The following ANKRD30BL variants were observed in gnomAD, a reference collection of about 807,000 sequenced individuals.
ANKRD30BL encodes the protein putative ankyrin repeat domain-containing protein 30B-like.
In ANKRD30BL, 20 loss-of-function variants were observed where a neutral mutation model predicts 18.4. That is an observed-to-expected ratio of 1.09 (90% CI 0.77 to 1.58). The LOEUF is 1.58. ANKRD30BL is among the 40% of genes most tolerant of loss of function. ANKRD30BL has a pLI of 0.00. For synonymous variants in ANKRD30BL, 72 were observed against 100.9 expected, an observed-to-expected ratio of 0.71 and a Z score of 1.72; for missense variants, 224 against 268.6, an observed-to-expected ratio of 0.83 and a Z score of 1.16.
intron 1 of ANKRD30BL, among the ~76,000 whole-genome samples, chr2:132,178,637 T>C (rs986134215): frequency 4.6e-5 from 7 of 152,060 alleles, no homozygotes; most frequent in Admixed American, 2.0e-4. Context: ...TGTTTTTTTT[T>C]TGAGCAGACA....
chr2:132,244,112 T>G (rs149994805), intron 1 of ANKRD30BL, among the ~76,000 whole-genome samples: 1 of 152,264 alleles, frequency 6.6e-6, no homozygotes, highest in Non-Finnish European at 1.5e-5. Context: ...TCTCAGAAAC[T>G]AATTTGTGAT....
At chr2:132,239,406 T>A (rs1573879167) in intron 1 of ANKRD30BL, among the ~76,000 whole-genome samples, 1 of 152,000 alleles carries the variant, frequency 6.6e-6, no homozygotes. Flanking sequence ...AACACTCTTT[T>A]TGTAGGATCT....
chr2:132,185,368 C>T (rs1387919178), intron 1 of ANKRD30BL, among the ~76,000 whole-genome samples: 1 of 152,172 alleles, frequency 6.6e-6, no homozygotes, highest in African/African-American at 2.4e-5. Context: ...CCTTATCTGT[C>T]TAAACAGTGC....
intron 1 of ANKRD30BL, among the ~76,000 whole-genome samples, chr2:132,244,530 A>T (rs955973281): frequency 2.0e-5 from 3 of 152,298 alleles, no homozygotes; most frequent in African/African-American, 7.2e-5. Context: ...CAGTTTTTGT[A>T]GAATCTGTAA....
chr2:132,148,215 T>A lies in ANKRD30BL; in HGVS notation c.693A>T (p.Glu231Asp). Residue 231 changes from glutamate (E) to aspartate (D), a missense_variant, in exon 6 of 6, where the codon GAA (glutamate) becomes GAT (aspartate). By Grantham distance (45) the Glu-to-Asp change is conservative. This residue lies in a region of ANKRD30BL where 63 missense variants were observed against 62.3 expected (regional missense o/e 1.01). Transcript: ENST00000409867. ...SQNSNPEGTS[E>D]GTPDEAAPLA... Reference sequence around the variant, plus strand: ...AGGGTGCAGCCTCATCAGGTGTTCCTTCAGATGTTCCTTCTGCCAAACACA... The same window carrying A: ...AGGGTGCAGCCTCATCAGGTGTTCCATCAGATGTTCCTTCTGCCAAACACA... The A allele has an allele frequency of 6.2e-7, 1 of 1,605,044 alleles. No homozygotes were observed. Among genetic ancestry groups the A allele is most frequent in the Non-Finnish European group, 8.5e-7 (1 of 1,176,444 alleles).
upstream of ANKRD30BL, among the ~76,000 whole-genome samples, chr2:132,165,819 A>G (rs1012114235): frequency 1.3e-5 from 2 of 150,000 alleles, no homozygotes; most frequent in Non-Finnish European, 3.0e-5. Context: ...GAAATTGCCC[A>G]TCTGTCTTCC....
intron 1 of ANKRD30BL, chr2:132,257,096 A>G (rs749033491): frequency 1.0e-4 from 51 of 487,388 alleles, no homozygotes; most frequent in African/African-American, 9.0e-4. Flanking sequence ...GACCCGCCTC[A>G]TGAGCCCCAG....
chr2:132,166,752 GCTTT>G, upstream of ANKRD30BL, among the ~76,000 whole-genome samples: 1 of 151,964 alleles, frequency 6.6e-6, no homozygotes, highest in African/African-American at 2.4e-5. Context: ...CAAAGAAACA[GCTTT>G]CTGTTTCATT....
rs1230449143 is a variant in ANKRD30BL at position 132,161,648 on chromosome 2, G to C, written c.58C>G (p.Pro20Ala). 1.4e-6 allele frequency: 2 copies of C among 1,453,046 alleles called. No homozygotes were observed. Among genetic ancestry groups the C allele is most frequent in the African/African-American group, 1.4e-5 (1 of 70,838 alleles). 90.0% of individuals were successfully genotyped at this position (1,453,046 alleles called of 1,614,324 possible). Residue 20 changes from proline to alanine, a missense_variant, in exon 1 of 6, where the codon CCC becomes GCC. Around this residue, in one of 3 missense-constraint regions of ANKRD30BL, gnomAD observed 131 missense variants for 128.8 expected, o/e 1.02. Coordinates refer to ENST00000409867, the MANE Select transcript of ANKRD30BL (RefSeq NM_001358416.1). ...TTGGTGTAGACCAGCTGACTGAAGG[G>C]GCTCGGGCGCTCTGGGCCCGTCTGG... ...KGQTGPERPS[P>A]FSQLVYTNND...
intron 1 of ANKRD30BL, among the ~76,000 whole-genome samples, chr2:132,175,209 T>G (rs1688341658): frequency 6.6e-6 from 1 of 150,400 alleles, no homozygotes; most frequent in Non-Finnish European, 1.5e-5. Context: ...TATTATTATT[T>G]TCATTATCTC....
intron 1 of ANKRD30BL, chr2:132,257,105 A>G (rs72869462): frequency 1.2e-5 from 6 of 480,560 alleles, no homozygotes; most frequent in South Asian, 8.9e-5. Context: ...CATGAGCCCC[A>G]GGTCCCGCCA....
At chr2:132,191,645 T>G (rs1678851898) in intron 1 of ANKRD30BL, among the ~76,000 whole-genome samples, 1 of 152,142 alleles carries the variant, frequency 6.6e-6, no homozygotes, top group African/African-American at 2.4e-5. Flanking sequence ...TCAGTGTTTA[T>G]CCATCATTCA....
intron 1 of ANKRD30BL, among the ~76,000 whole-genome samples, chr2:132,171,624 A>G (rs1688282355): frequency 6.6e-6 from 1 of 152,234 alleles, no homozygotes; most frequent in Admixed American, 6.5e-5. Flanking sequence ...TTTTTCTAAT[A>G]AGTTTAATAA....
intron 5 of ANKRD30BL, among the ~76,000 whole-genome samples, chr2:132,150,711 T>C (rs2104915912): frequency 6.6e-6 from 1 of 152,092 alleles, no homozygotes; most frequent in South Asian, 2.1e-4. Context: ...GATTATAAAC[T>C]ACCTACAACT....
intron 5 of ANKRD30BL, among the ~76,000 whole-genome samples, chr2:132,150,322 GTTTA>G (rs904861141): frequency 1.2e-4 from 17 of 140,106 alleles, no homozygotes; most frequent in African/African-American, 3.1e-4. Flanking sequence ...TTATTTAACA[GTTTA>G]TTTAACTGTG....
chr2:132,174,416 A>G (rs1375162044), intron 1 of ANKRD30BL, among the ~76,000 whole-genome samples: 3 of 152,162 alleles, frequency 2.0e-5, no homozygotes, highest in Non-Finnish European at 4.4e-5. Context: ...TAAAATCCCC[A>G]GTGGTCATAA....
intron 1 of ANKRD30BL, among the ~76,000 whole-genome samples, chr2:132,221,933 C>T (rs866450233): frequency 0.01 from 1,210 of 118,330 alleles, 30 homozygotes; most frequent in South Asian, 0.053. Context: ...ATCAGCCCCC[C>T]GCCTGGCCAG....
intron 5 of ANKRD30BL, among the ~76,000 whole-genome samples, chr2:132,150,258 A>ATAAATAT (rs80006799): frequency 0.18 from 27,693 of 150,558 alleles, 3,458 homozygotes; most frequent in African/African-American, 0.33. Context: ...TATTTGTTAA[A>ATAAATAT]TTAACAAATA....
chr2:132,198,485 C>G (rs192505291), intron 1 of ANKRD30BL, among the ~76,000 whole-genome samples: 1 of 151,502 alleles, frequency 6.6e-6, no homozygotes, highest in Non-Finnish European at 1.5e-5. Context: ...CACCATGCCC[C>G]GCTAATTTTT....
Sources: allele counts gnomAD v4.1 joint callset (sites outside exome capture counted in the v4.1 genomes callset), GRCh38; gene constraint gnomAD v4.1.1; regional missense constraint gnomAD v4.1.1; transcripts MANE v1.5; gene names NCBI Gene and HGNC (gene_info 2026-07-23, HGNC 2026-07-21).